Variants in DTX3L observed in about 807,000 individuals in gnomAD.
DTX3L encodes the protein deltex E3 ubiquitin ligase 3L.
A neutral mutation model predicts 60.9 loss-of-function variants in DTX3L; 34 were observed. The ratio of observed to expected loss-of-function variants is 0.56; its 90% confidence interval spans 0.42 to 0.74. DTX3L has a LOEUF of 0.74. Among genes scored for constraint, DTX3L ranks in the 30% least tolerant of loss-of-function variants. The probability of loss-of-function intolerance (pLI) is 0.00; values close to 1 mark genes in which losing one functional copy is unlikely to be tolerated. For synonymous variants in DTX3L, 290 were observed against 316.6 expected (o/e 0.92, Z 0.89); for missense variants, 810 against 874.0 (o/e 0.93, Z 0.92).
chr3:122,566,264 G>T (rs2080589712), intron 2 of DTX3L, among the ~76,000 whole-genome samples, 194 bp downstream of exon 2: 1 of 152,222 alleles, frequency 6.6e-6, no homozygotes, highest in African/African-American at 2.4e-5. Flanking sequence ...GCCAGGTCAT[G>T]CACAGAAAGA....
At position 122,571,789 on chromosome 3, in the gene DTX3L, A is replaced by G. The variant is rs140918364; in HGVS notation, c.*42A>G. 4.9e-5 allele frequency: 76 copies of G among 1,552,042 alleles called. 1 individual carries two copies. The African/African-American group carries it at 9.6e-4, about 20-fold the overall frequency. ...TGTCTTAAATCAAGCTTTCAAAAAA[A>G]TATATTTTAGGAGGCTGATTTAATG... is the stretch of plus-strand genomic sequence containing the variant. On this transcript the variant is annotated 3_prime_UTR_variant, in exon 5 of 5. Coordinates refer to ENST00000296161, the MANE Select transcript of DTX3L (RefSeq NM_138287.3).
In DTX3L at chr3:122,568,803, T is replaced by A. The variant is rs1282673339; in HGVS notation, c.714T>A (p.Val238=). 1 of 1,614,018 alleles carries A rather than the reference T, an allele frequency of 6.2e-7. No individual in the cohort carries two copies. Among genetic ancestry groups the A allele is most frequent in the East Asian group, 2.2e-5 (1 of 44,886 alleles). Residue 238 remains valine, a synonymous_variant, in exon 3 of 5, where the codon GTT becomes GTA. Transcript: ENST00000296161. ...KAEQKSNYFE[V]PLPYFEYFKY... ...AACAAAAAAGCAACTATTTTGAAGT[T>A]CCCTTGCCTTACTTTGAATACTTTA...
chr3:122,569,115 T>C lies in DTX3L; in HGVS notation c.1026T>C (p.Thr342=). 1.2e-6 allele frequency: 2 copies of C among 1,614,146 alleles called. No homozygotes were observed. The highest frequency in any genetic ancestry group is 1.7e-6 in the Non-Finnish European group (2 of 1,180,032). The change falls in exon 3 of 5, where the codon ACT becomes ACC. Residue 342 remains threonine (T), a synonymous_variant. Transcript: ENST00000296161. ...TAAAGGAGAAAGGAGGCGAATTAACTCTCCTTGGGACCCAAGATGACATTT... is the reference window on the plus strand; with the variant it reads ...TAAAGGAGAAAGGAGGCGAATTAACCCTCCTTGGGACCCAAGATGACATTT... ...LLIKEKGGEL[T]LLGTQDDISA...
Position 122,569,970 on chromosome 3 carries a change from T to C in DTX3L, c.1881T>C (p.Tyr627=). The change falls in exon 3 of 5, where the codon TAT becomes TAC. Residue 627 remains tyrosine, a synonymous_variant. Transcript: ENST00000296161. ...FTVSRDSLPG[Y]ESFGTIVITY... ...TTTCAAGAGACTCACTTCCAGGTTA[T>C]GAGTCCTTTGGCACCATTGTGATTA... 5 of 1,614,150 alleles carry C rather than the reference T, an allele frequency of 3.1e-6. No individual in the cohort carries two copies. Among genetic ancestry groups the C allele is most frequent in the Non-Finnish European group, 4.2e-6 (5 of 1,180,028 alleles).
intron 4 of DTX3L, among the ~76,000 whole-genome samples, chr3:122,571,417 A>G (rs181348486): frequency 1.0e-3 from 153 of 152,338 alleles, no homozygotes; most frequent in South Asian, 3.3e-3. Flanking sequence ...TGCGAAATGT[A>G]ATAAATACAT....
In DTX3L at chr3:122,566,075, G is replaced by A. The variant is rs2080582452; in HGVS notation, c.399+5G>A. On this transcript the variant is annotated splice_donor_5th_base_variant and intron_variant, in intron 2 of 4. Coordinates refer to ENST00000296161, the MANE Select transcript of DTX3L (RefSeq NM_138287.3). The stretch of plus-strand genomic sequence containing the variant: ...GTGGATTCCTGTCTCCAAAAGGTGA[G>A]TATTGAAAGAAGGAGCTGGCTGTGC... 1 of 1,613,230 alleles carries A rather than the reference G, an allele frequency of 6.2e-7. No individual in the cohort carries two copies. Among genetic ancestry groups the A allele is most frequent in the Non-Finnish European group, 8.5e-7 (1 of 1,179,398 alleles).
In DTX3L at chr3:122,568,723, A is replaced by G. The variant is rs1456497141; in HGVS notation, c.634A>G (p.Ser212Gly). ...SPSMTERKPL[S>G]QQERDSCISP... Reference sequence around the variant, plus strand: ...TTCAATGACAGAGAGGAAGCCACTCAGTCAGCAGGAGAGGGACAGCTGCAT... The same window carrying G: ...TTCAATGACAGAGAGGAAGCCACTCGGTCAGCAGGAGAGGGACAGCTGCAT... Residue 212 changes from serine to glycine, a missense_variant, in exon 3 of 5, where the codon AGT becomes GGT. Transcript: ENST00000296161. 4 of 1,614,216 alleles carry G rather than the reference A, an allele frequency of 2.5e-6. No homozygotes were observed. Among genetic ancestry groups the G allele is most frequent in the Admixed American group, 1.7e-5 (1 of 60,022 alleles).
Position 122,570,019 on chromosome 3 carries a change from C to G in DTX3L, c.1930C>G (p.Gln644Glu), listed in dbSNP as rs1042793131. 1.2e-6 allele frequency: 2 copies of G among 1,613,672 alleles called. No individual in the cohort carries two copies. The highest frequency in any genetic ancestry group is 1.7e-5 in the Admixed American group (1 of 60,014). The change falls in exon 3 of 5, where the codon CAA (glutamine) becomes GAA (glutamate). Residue 644 changes from glutamine to glutamate, a missense_variant. Coordinates refer to ENST00000296161, the MANE Select transcript of DTX3L (RefSeq NM_138287.3). ...VITYSMKAGI[Q>E]TEEHPNPGKR... is the part of the protein sequence containing the mutation. ...TACTTATTCTATGAAAGCAGGCATA[C>G]AAACAGTAAGTATTTCTCAAGTCCA...
At position 122,568,736 on chromosome 3, in the gene DTX3L, G is replaced by C. The variant is rs780914623; in HGVS notation, c.647G>C (p.Arg216Thr). The change falls in exon 3 of 5, where the codon AGG becomes ACG. Residue 216 changes from arginine to threonine, a missense_variant. Physicochemically the swap from Arg to Thr is moderately conservative, Grantham distance 71 (BLOSUM62 -1). Coordinates refer to ENST00000296161, the MANE Select transcript of DTX3L (RefSeq NM_138287.3). ...TERKPLSQQE[R>T]DSCISPSEPE... ...AGGAAGCCACTCAGTCAGCAGGAGA[G>C]GGACAGCTGCATTTCTCCTTCTGAA... 1.9e-5 allele frequency: 31 copies of C among 1,614,188 alleles called. No homozygotes were observed. In the South Asian group the frequency reaches 3.2e-4, roughly 17 times the overall value.
At position 122,572,916 on chromosome 3, in the gene DTX3L, AGT is replaced by A. The variant is rs2080655452; in HGVS notation, c.*1170_*1171del. The stretch of plus-strand genomic sequence containing the variant: ...TTTAATGACCAAGAGCCTAGTATAT[AGT>A]TGGTGCCTGTCTTAGTCTGTTTGTG... On this transcript the variant is annotated 3_prime_UTR_variant, in exon 5 of 5. Transcript: ENST00000296161. The A allele has an allele frequency of 6.6e-6, 1 of 152,190 alleles. No homozygotes were observed. The highest frequency in any genetic ancestry group is 6.5e-5 in the Admixed American group (1 of 15,278). The allele number at this position is 152,190 out of a possible 1,614,324, so 9.4% of individuals were successfully genotyped here.
At chr3:122,568,257 T>A (rs1239647936) in intron 2 of DTX3L, among the ~76,000 whole-genome samples, 1 of 151,994 alleles carries the variant, frequency 6.6e-6, no homozygotes, top group African/African-American at 2.4e-5. Context: ...TGCAGTGAGC[T>A]GAGATCGCGC....
rs1224332032 is a variant in DTX3L, at chr3:122,574,384, G to T, written c.*2637G>T. The T allele has an allele frequency of 6.6e-6, 1 of 152,152 alleles. No homozygotes were observed. Among genetic ancestry groups the T allele is most frequent in the Non-Finnish European group, 1.5e-5 (1 of 68,028 alleles). The allele number at this position is 152,152 out of a possible 1,614,324, so 9.4% of individuals were successfully genotyped here. On this transcript the variant is annotated 3_prime_UTR_variant, in exon 5 of 5. Coordinates refer to ENST00000296161, the MANE Select transcript of DTX3L (RefSeq NM_138287.3). ...AAACGGTTCTTCAAGTCAGATTAAA[G>T]TAATAATAGCAAATTATGTGATTAT...
At chr3:122,571,533 T>G in intron 4 of DTX3L, 145 bp from the exon 5 acceptor site, 2 of 621,516 alleles carry the variant, frequency 3.2e-6, no homozygotes, top group Non-Finnish European at 5.5e-6. Flanking sequence ...TCTGCGAATT[T>G]AAAAGTCATG....
chr3:122,565,911 A>T lies in DTX3L; in HGVS notation c.240A>T (p.Lys80Asn). 1 of 1,614,108 alleles carries T rather than the reference A, an allele frequency of 6.2e-7. No individual in the cohort carries two copies. The highest frequency in any genetic ancestry group is 8.5e-7 in the Non-Finnish European group (1 of 1,180,024). Residue 80 changes from lysine (K) to asparagine (N), a missense_variant, in exon 2 of 5, where the codon AAA (lysine) becomes AAT (asparagine). Lys to Asn is a moderately conservative substitution (Grantham distance 94). Coordinates refer to ENST00000296161, the MANE Select transcript of DTX3L (RefSeq NM_138287.3). ...AGCACCAAATACTTGTTGACGAAAAACCTGTGCCCATTTTCCTGGTACCCA... is the reference window on the plus strand; with the variant it reads ...AGCACCAAATACTTGTTGACGAAAATCCTGTGCCCATTTTCCTGGTACCCA... ...KGEHQILVDEKPVPIFLVPTE... is the reference protein window; with the variant it reads ...KGEHQILVDENPVPIFLVPTE...
In DTX3L at chr3:122,569,297, A is replaced by G; in HGVS notation, c.1208A>G (p.Tyr403Cys). ...LQEISEIEKR[Y>C]DICSKVSEKG... Reference sequence around the variant, plus strand: ...GAGATATCAGAGATCGAAAAAAGGTATGACATTTGCAGCAAGGTTTCTGAG... The same window carrying G: ...GAGATATCAGAGATCGAAAAAAGGTGTGACATTTGCAGCAAGGTTTCTGAG... The change falls in exon 3 of 5, where the codon TAT becomes TGT. Residue 403 changes from tyrosine (Y) to cysteine (C), a missense_variant. Transcript: ENST00000296161. 1 of 1,614,236 alleles carries G rather than the reference A, an allele frequency of 6.2e-7. No homozygotes were observed.
Position 122,569,200 on chromosome 3 carries a change from G to C in DTX3L, c.1111G>C (p.Ala371Pro). The C allele has an allele frequency of 6.2e-7, 1 of 1,614,170 alleles. No individual in the cohort carries two copies. Among genetic ancestry groups the C allele is most frequent in the Non-Finnish European group, 8.5e-7 (1 of 1,180,032 alleles). Residue 371 changes from alanine (A) to proline (P), a missense_variant, in exon 3 of 5, where the codon GCC becomes CCC. Coordinates refer to ENST00000296161, the MANE Select transcript of DTX3L (RefSeq NM_138287.3). ...CAAGATACCTGTGAAACTATTTGCT[G>C]CCAATTACATGATGAATGTAATTGA... ...FVKIPVKLFA[A>P]NYMMNVIEVD...
intron 2 of DTX3L, 88 bp from the exon 3 acceptor site, chr3:122,568,401 T>C: frequency 1.0e-6 from 1 of 980,030 alleles, no homozygotes; most frequent in Non-Finnish European, 1.4e-6. Context: ...TGGTTGTTTC[T>C]CTAGTCTCTA....
chr3:122,564,359 A>C lies in DTX3L; in HGVS notation c.-68A>C. On this transcript the variant is annotated 5_prime_UTR_variant, in exon 1 of 5. Transcript: ENST00000296161. ...AACTGAAACTTTGCGCCCAGTCCGC[A>C]GGGCGGGCCGCGCCTTTACCGCCCA... 6.6e-7 allele frequency: 1 copy of C among 1,507,762 alleles called. No homozygotes were observed. The highest frequency in any genetic ancestry group is 8.9e-7 in the Non-Finnish European group (1 of 1,125,402). 93.4% of individuals were successfully genotyped at this position (1,507,762 alleles called of 1,614,324 possible).
rs1042196831 is a variant in DTX3L at position 122,572,575 on chromosome 3, A to T, written c.*828A>T. On this transcript the variant is annotated 3_prime_UTR_variant, in exon 5 of 5. Coordinates refer to ENST00000296161, the MANE Select transcript of DTX3L (RefSeq NM_138287.3). The stretch of plus-strand genomic sequence containing the variant: ...GCAAGCATTGGTAATAAATGGAATA[A>T]GACTATTATTATTATTATTTGAGAT... The T allele has an allele frequency of 6.6e-6, 1 of 152,054 alleles. No individual in the cohort carries two copies. Among genetic ancestry groups the T allele is most frequent in the Non-Finnish European group, 1.5e-5 (1 of 68,026 alleles). 9.4% of individuals were successfully genotyped at this position (152,054 alleles called of 1,614,324 possible).
Sources: allele counts gnomAD v4.1 joint callset (sites outside exome capture counted in the v4.1 genomes callset), GRCh38; gene constraint gnomAD v4.1.1; transcripts MANE v1.5; gene names NCBI Gene and HGNC (gene_info 2026-07-23, HGNC 2026-07-21).